The following CACNA1C variants were observed in gnomAD, a reference collection of about 807,000 sequenced individuals.
CACNA1C encodes voltage-dependent L-type calcium channel subunit alpha-1C.
Under a neutral mutation model 229.0 loss-of-function variants are expected in CACNA1C, and 30 were observed. The ratio of observed to expected loss-of-function variants is 0.13; its 90% CI spans 0.10 to 0.18. CACNA1C has a LOEUF of 0.18. Among genes scored for constraint, CACNA1C ranks in the 10% least tolerant of loss-of-function variants. The probability of loss-of-function intolerance (pLI) is 1.00; values close to 1 mark genes in which losing one functional copy is unlikely to be tolerated. For missense variants in CACNA1C, 1,658 were observed against 2,845.0 expected, an observed-to-expected ratio of 0.58 and a Z score of 9.49; for synonymous variants, 1,114 against 1,132.5, an observed-to-expected ratio of 0.98 and a Z score of 0.33.
At chr12:2,571,079 C>A (rs1343523858) in intron 13 of CACNA1C, among the ~76,000 whole-genome samples, 15 of 152,196 alleles carry the variant, frequency 9.9e-5, no homozygotes, top group Non-Finnish European at 1.5e-5. Flanking sequence ...TTGAGTGATC[C>A]TCCCAAGTAC....
At chr12:2,232,803 A>G (rs1233799348) in intron 3 of CACNA1C, among the ~76,000 whole-genome samples, 19 of 152,108 alleles carry the variant, frequency 1.2e-4, no homozygotes, top group Admixed American at 9.8e-4. Context: ...TACCAGTATC[A>G]TGTTTATTTA....
At chr12:2,241,070 C>T (rs750371201) in intron 3 of CACNA1C, among the ~76,000 whole-genome samples, 20 of 151,954 alleles carry the variant, frequency 1.3e-4, no homozygotes, top group African/African-American at 3.1e-4. Flanking sequence ...ATAACCAGTA[C>T]GAGGTGAGGG....
In CACNA1C at chr12:2,164,039, C is replaced by T. The variant is rs576065578; in HGVS notation, c.477+43609C>T. ...CCGTGGCTTCTTCTATCCCTAGGGC[C>T]TGGAGTGGGCTTCCTCCCTCCCCTC... is the stretch of plus-strand genomic sequence containing the variant. On this transcript the variant is annotated intron_variant, in intron 3 of 46. Transcript: ENST00000399655. Among the ~76,000 whole-genome samples the T allele has an allele frequency of 3.9e-5, 6 of 152,314 alleles. No homozygotes were observed. In the South Asian group the frequency reaches 1.2e-3, roughly 32 times the overall value.
intron 3 of CACNA1C, among the ~76,000 whole-genome samples, chr12:2,230,646 G>A (rs1016827635): frequency 2.0e-5 from 3 of 152,166 alleles, no homozygotes; most frequent in Non-Finnish European, 4.4e-5. Context: ...TGGGAGGCCT[G>A]GGCCTTCTGG....
intron 3 of CACNA1C, among the ~76,000 whole-genome samples, chr12:2,197,226 T>G (rs2097434132): frequency 6.6e-6 from 1 of 152,062 alleles, no homozygotes; most frequent in Non-Finnish European, 1.5e-5. Flanking sequence ...GAAGTTTAAA[T>G]CCCATCACTC....
chr12:2,277,219 G>A (rs1483214179), intron 3 of CACNA1C, among the ~76,000 whole-genome samples: 1 of 151,998 alleles, frequency 6.6e-6, no homozygotes, highest in Non-Finnish European at 1.5e-5. Flanking sequence ...AGGGTCAGGG[G>A]CCCCGTGAGC....
chr12:2,322,410 C>T (rs1175198266), intron 3 of CACNA1C, among the ~76,000 whole-genome samples: 1 of 152,224 alleles, frequency 6.6e-6, no homozygotes, highest in African/African-American at 2.4e-5. Flanking sequence ...TATATTCCTG[C>T]CACCGTGGGA....
At chr12:2,026,690 A>C (rs927433449) in intron 1 of CACNA1C, among the ~76,000 whole-genome samples, 15 of 152,204 alleles carry the variant, frequency 9.9e-5, no homozygotes, top group African/African-American at 3.4e-4. Flanking sequence ...TGCTTTTCTG[A>C]ACATTTGGGT....
intron 3 of CACNA1C, among the ~76,000 whole-genome samples, chr12:2,301,390 C>G (rs902972241): frequency 3.9e-5 from 6 of 152,092 alleles, no homozygotes; most frequent in African/African-American, 1.4e-4. Flanking sequence ...AATTTGGGGC[C>G]AGCAGTTTAG....
chr12:2,649,638 G>A lies in CACNA1C; in HGVS notation c.3945+1131G>A, dbSNP rs2094721873. Among the ~76,000 whole-genome samples, 1 of 152,300 alleles carries A rather than the reference G, an allele frequency of 6.6e-6. No individual in the cohort carries two copies. Among genetic ancestry groups the A allele is most frequent in the African/African-American group, 2.4e-5 (1 of 41,560 alleles). On this transcript the variant is annotated intron_variant, in intron 31 of 46. Coordinates refer to ENST00000399655, the MANE Select transcript of CACNA1C (RefSeq NM_000719.7). This position sits in a 1 kb window ranked among gnomAD's most constrained non-coding sequence, Gnocchi z 4.4. ...CCACAGGGGAGGGCTCTGAACAGTGGAATGGAATTCACGCTGCAAGCTTGG... is the reference window on the plus strand; with the variant it reads ...CCACAGGGGAGGGCTCTGAACAGTGAAATGGAATTCACGCTGCAAGCTTGG...
intron 3 of CACNA1C, among the ~76,000 whole-genome samples, chr12:2,170,803 G>A (rs1158012987): frequency 1.3e-5 from 2 of 152,224 alleles, no homozygotes; most frequent in East Asian, 1.9e-4. Context: ...ACCACAATAC[G>A]CATTAGAGGT....
In CACNA1C at chr12:2,372,967, A is replaced by G. The variant is rs1479187310; in HGVS notation, c.478-76009A>G. On this transcript the variant is annotated intron_variant, in intron 3 of 46. Transcript: ENST00000399655. ...CCGGTGCCGAGAAGCTCCTTGACTC[A>G]CCATCCAAAGGAATGCACGGTGTTG... is the stretch of plus-strand genomic sequence containing the variant. 2.6e-5 allele frequency among the ~76,000 whole-genome samples: 4 copies of G among 152,332 alleles called. No individual in the cohort carries two copies. The East Asian group carries it at 7.7e-4, about 29-fold the overall frequency.
At chr12:2,196,813 G>T (rs1007191584) in intron 3 of CACNA1C, among the ~76,000 whole-genome samples, 2 of 152,186 alleles carry the variant, frequency 1.3e-5, no homozygotes, top group South Asian at 4.1e-4. Flanking sequence ...GAGCAGCAGG[G>T]TTTAGCCTTC....
At chr12:2,372,034 GGTTTT>G (rs1220621821) in intron 3 of CACNA1C, among the ~76,000 whole-genome samples, 2 of 152,052 alleles carry the variant, frequency 1.3e-5, no homozygotes, top group African/African-American at 2.4e-5. Flanking sequence ...AGCTCTTTTG[GGTTTT>G]GTTTTGTTGG....
Position 2,493,786 on chromosome 12 carries a change from T to A in CACNA1C, c.1113+400T>A, listed in dbSNP as rs2099741137. 6.6e-6 allele frequency among the ~76,000 whole-genome samples: 1 copy of A among 152,306 alleles called. No homozygotes were observed. The highest frequency in any genetic ancestry group is 2.4e-5 in the African/African-American group (1 of 41,568). On this transcript the variant is annotated intron_variant, in intron 7 of 46. Transcript: ENST00000399655. The surrounding 1 kb of genome is among the most constrained non-coding windows in gnomAD (Gnocchi z 4.6). The stretch of plus-strand genomic sequence containing the variant: ...GGAGCTAGAAGGCAGAATTATGTAT[T>A]CTTAGGGCAGAAGAGAAGAAGTCCT...
At chr12:2,420,577 T>C (rs2098968720) in intron 3 of CACNA1C, among the ~76,000 whole-genome samples, 1 of 152,218 alleles carries the variant, frequency 6.6e-6, no homozygotes, top group Admixed American at 6.5e-5. Flanking sequence ...TCCCTTTCAT[T>C]GCATCCTCCA....
intron 1 of CACNA1C, among the ~76,000 whole-genome samples, chr12:2,003,080 T>C (rs1236535352): frequency 6.6e-6 from 1 of 152,236 alleles, no homozygotes; most frequent in African/African-American, 2.4e-5. Flanking sequence ...CTAAATTCTT[T>C]GCCCCATTCC....
intron 9 of CACNA1C, among the ~76,000 whole-genome samples, chr12:2,549,332 G>A (rs577112380): frequency 6.6e-6 from 1 of 152,292 alleles, no homozygotes; most frequent in Admixed American, 6.5e-5. Flanking sequence ...TGTCTGCAGG[G>A]CTAGCTTGAA....
chr12:2,010,362 T>A (rs1280916921), intron 1 of CACNA1C, among the ~76,000 whole-genome samples: 1 of 151,784 alleles, frequency 6.6e-6, no homozygotes, highest in Non-Finnish European at 1.5e-5. Context: ...GATAATGGGG[T>A]GAAGACTGGG....
Sources: gnomAD v4.1 joint callset for allele counts (sites outside exome capture counted in the v4.1 genomes callset) on GRCh38, gnomAD v4.1.1 for gene constraint, Gnocchi (gnomAD v3.1) non-coding constraint, MANE v1.5 for transcripts, NCBI Gene and HGNC (gene_info 2026-07-23, HGNC 2026-07-21) for gene names.